The following PRKRA variants were observed in gnomAD, a reference collection of about 807,000 sequenced individuals.
PRKRA encodes protein activator of interferon induced protein kinase EIF2AK2.
A neutral mutation model predicts 32.4 loss-of-function variants in PRKRA; 22 were observed. The observed-to-expected ratio is 0.68, with a 90% confidence interval of 0.49 to 0.97. The LOEUF is 0.97. Among genes scored for constraint, PRKRA ranks in the 50% least tolerant of loss-of-function variants. The pLI is 0.00. For synonymous variants in PRKRA, 139 were observed against 129.8 expected, an observed-to-expected ratio of 1.07 and a Z score of -0.48; for missense variants, 319 against 375.6, an observed-to-expected ratio of 0.85 and a Z score of 1.25.
intron 2 of PRKRA, among the ~76,000 whole-genome samples, chr2:178,448,073 G>A (rs73036307): frequency 0.025 from 3,812 of 152,248 alleles, 154 homozygotes; most frequent in African/African-American, 0.086. Context: ...GTCCTATAAC[G>A]TATCAAACTG....
chr2:178,443,103 C>T (rs1697177885), intron 5 of PRKRA, among the ~76,000 whole-genome samples, 164 bp downstream of exon 5: 1 of 152,006 alleles, frequency 6.6e-6, no homozygotes, highest in East Asian at 1.9e-4. Context: ...TATCTTAAGC[C>T]AAATATTTAT....
At position 178,450,411 on chromosome 2, in the gene PRKRA, A is replaced by C. The variant is rs777378640; in HGVS notation, c.66T>G (p.Ser22Arg). The C allele has an allele frequency of 6.2e-7, 1 of 1,614,214 alleles. No homozygotes were observed. The highest frequency in any genetic ancestry group is 8.5e-7 in the Non-Finnish European group (1 of 1,180,032). ...PLEREDSGTF[S>R]LGKMITAKPG... ...GCTTAGCTGTTATCATCTTCCCCAA[A>C]CTGCAAAAACCACAAAAAGGTGTGC... The change falls in exon 2 of 8, where the codon AGT (serine) becomes AGG (arginine). Residue 22 changes from serine to arginine, a missense_variant and splice_region_variant. Physicochemically the swap from Ser to Arg is moderately radical, Grantham distance 110. Coordinates refer to ENST00000325748, the MANE Select transcript of PRKRA (RefSeq NM_003690.5).
intron 2 of PRKRA, among the ~76,000 whole-genome samples, chr2:178,448,758 T>C (rs1407521301): frequency 6.6e-6 from 1 of 152,180 alleles, no homozygotes; most frequent in Non-Finnish European, 1.5e-5. Flanking sequence ...AATGGATAGT[T>C]AGTGGATTAT....
intron 6 of PRKRA, among the ~76,000 whole-genome samples, chr2:178,438,565 C>A (rs2154124890): frequency 6.6e-6 from 1 of 152,302 alleles, no homozygotes; most frequent in Non-Finnish European, 1.5e-5. Context: ...TCTAGTAAAG[C>A]AGCACACCCT....
Position 178,451,077 on chromosome 2 carries a change from G to A in PRKRA, c.-47C>T, listed in dbSNP as rs764765813. On this transcript the variant is annotated 5_prime_UTR_variant, in exon 1 of 8. Transcript: ENST00000325748. ...GGCTGGAGGAAGAGCGGTGCGGAGCGACGTGCTCGCTCCCCGGGTCGCTGG... is the reference window on the plus strand; with the variant it reads ...GGCTGGAGGAAGAGCGGTGCGGAGCAACGTGCTCGCTCCCCGGGTCGCTGG... 2.1e-5 allele frequency: 32 copies of A among 1,534,570 alleles called. No individual in the cohort carries two copies. The highest frequency in any genetic ancestry group is 1.7e-4 in the East Asian group (7 of 40,280).
At chr2:178,444,982 A>G (rs1697261966) in intron 3 of PRKRA, among the ~76,000 whole-genome samples, 1 of 152,242 alleles carries the variant, frequency 6.6e-6, no homozygotes, top group Non-Finnish European at 1.5e-5. Flanking sequence ...TACAAAAAAC[A>G]GAAGAGTAAC....
At chr2:178,446,821 G>T (rs552024261) in intron 3 of PRKRA, among the ~76,000 whole-genome samples, 1 of 151,684 alleles carries the variant, frequency 6.6e-6, no homozygotes, top group Non-Finnish European at 1.5e-5. Context: ...GTGAAACCCC[G>T]TCTCTACTAA....
At chr2:178,439,717 C>G (rs1697042342) in intron 6 of PRKRA, 1 of 152,016 alleles carries the variant, frequency 6.6e-6, no homozygotes, top group East Asian at 1.9e-4. Context: ...AATATATAAC[C>G]ATGATTTTGG....
rs774670427 is a variant in PRKRA, at chr2:178,451,031, G to C, written c.-1C>G. On this transcript the variant is annotated 5_prime_UTR_variant, in exon 1 of 8. Transcript: ENST00000325748. ...CGGCGCGGTGCCTGCTCTGGGACATGGCGAGAAGGGACGGCTCAGCGGCTG... is the reference window on the plus strand; with the variant it reads ...CGGCGCGGTGCCTGCTCTGGGACATCGCGAGAAGGGACGGCTCAGCGGCTG... 6.4e-7 allele frequency: 1 copy of C among 1,556,116 alleles called. No homozygotes were observed. The highest frequency in any genetic ancestry group is 8.6e-7 in the Non-Finnish European group (1 of 1,156,302).
chr2:178,435,000 T>C (rs1248397828), intron 7 of PRKRA, among the ~76,000 whole-genome samples: 1 of 151,418 alleles, frequency 6.6e-6, no homozygotes, highest in Admixed American at 6.6e-5. Context: ...GGGTGGATCA[T>C]GAGGTCAGGA....
At chr2:178,435,739 T>G (rs1470519539) in intron 7 of PRKRA, among the ~76,000 whole-genome samples, 2 of 152,220 alleles carry the variant, frequency 1.3e-5, no homozygotes, top group Non-Finnish European at 2.9e-5. Flanking sequence ...CAAATCTTGC[T>G]CTACCGCTGA....
intron 3 of PRKRA, among the ~76,000 whole-genome samples, chr2:178,446,802 G>A (rs2886712): frequency 0.24 from 35,908 of 151,668 alleles, 4,858 homozygotes; most frequent in East Asian, 0.64. Context: ...GACCATCCCG[G>A]CTAAAACGGT....
intron 6 of PRKRA, among the ~76,000 whole-genome samples, chr2:178,440,749 A>G (rs554599909): frequency 6.6e-6 from 1 of 152,240 alleles, no homozygotes; most frequent in Non-Finnish European, 1.5e-5. Context: ...GGTCTCTTTG[A>G]TCCTAATTTC....
chr2:178,449,916 A>G (rs1264979715), intron 2 of PRKRA, among the ~76,000 whole-genome samples: 1 of 152,222 alleles, frequency 6.6e-6, no homozygotes, highest in African/African-American at 2.4e-5. Flanking sequence ...CCCAGCTATG[A>G]CTGCTCCAAG....
intron 6 of PRKRA, among the ~76,000 whole-genome samples, chr2:178,436,707 C>T (rs2154124786): frequency 6.6e-6 from 1 of 151,804 alleles, no homozygotes; most frequent in South Asian, 2.1e-4. Flanking sequence ...ATTTTCATAT[C>T]TTTGGTTTTT....
Position 178,451,138 on chromosome 2 carries a change from G to C in PRKRA, c.-108C>G, listed in dbSNP as rs981579083. ...GAGCTCCAGCGCCGCCACCTCCTCC[G>C]ACTCCCCCGCCTCCTGCTTGCGTTG... On this transcript the variant is annotated 5_prime_UTR_variant, in exon 1 of 8. Coordinates refer to ENST00000325748, the MANE Select transcript of PRKRA (RefSeq NM_003690.5). 1.5e-6 allele frequency: 2 copies of C among 1,302,754 alleles called. No homozygotes were observed. The highest frequency in any genetic ancestry group is 2.7e-5 in the East Asian group (1 of 36,896). The allele number at this position is 1,302,754 out of a possible 1,614,324, so 80.7% of individuals were successfully genotyped here. A position where few individuals can be genotyped will look rare whatever the true frequency, so the allele number is the denominator to read the frequency against.
In PRKRA at chr2:178,432,035, G is replaced by C; in HGVS notation, c.*62C>G. On this transcript the variant is annotated 3_prime_UTR_variant, in exon 8 of 8. Transcript: ENST00000325748. ...AAACACTACGGTAAAAGTTTTACTT[G>C]GGAAGGGGCCAGAGGGGAACTTTTT... 6.4e-7 allele frequency: 1 copy of C among 1,565,256 alleles called. No homozygotes were observed. The highest frequency in any genetic ancestry group is 8.8e-7 in the Non-Finnish European group (1 of 1,139,112).
In PRKRA at chr2:178,431,778, G is replaced by C; in HGVS notation, c.*319C>G. 2.6e-6 allele frequency: 1 copy of C among 383,670 alleles called. No individual in the cohort carries two copies. The highest frequency in any genetic ancestry group is 4.9e-6 in the Non-Finnish European group (1 of 205,322). 23.8% of individuals were successfully genotyped at this position (383,670 alleles called of 1,614,324 possible). On this transcript the variant is annotated 3_prime_UTR_variant, in exon 8 of 8. Coordinates refer to ENST00000325748, the MANE Select transcript of PRKRA (RefSeq NM_003690.5). The stretch of plus-strand genomic sequence containing the variant: ...GAAGAGCTTAAGCACCAGTAAGAAA[G>C]ACTGTCGCTAGCATTTTTATTTCAT...
At position 178,446,176 on chromosome 2, in the gene PRKRA, G is replaced by T. The variant is rs561111681; in HGVS notation, c.317+1329C>A. On this transcript the variant is annotated intron_variant, in intron 3 of 7. Transcript: ENST00000325748. ...ATTACAGGCGCCTGCCACCATGCCTGGCTAATTTTTGTATTTTTAGTAGAG... is the reference window on the plus strand; with the variant it reads ...ATTACAGGCGCCTGCCACCATGCCTTGCTAATTTTTGTATTTTTAGTAGAG... 3.9e-4 allele frequency among the ~76,000 whole-genome samples: 60 copies of T among 151,964 alleles called. 1 individual carries two copies. The South Asian group carries it at 0.012, about 31-fold the overall frequency.
Sources: allele counts gnomAD v4.1 joint callset (sites outside exome capture counted in the v4.1 genomes callset), GRCh38; gene constraint gnomAD v4.1.1; transcripts MANE v1.5; gene names NCBI Gene and HGNC (gene_info 2026-07-23, HGNC 2026-07-21).